The following NRP1 variants were observed in gnomAD, a reference collection of about 807,000 sequenced individuals.
NRP1 encodes neuropilin 1.
A neutral mutation model predicts 106.7 loss-of-function variants in NRP1; 35 were observed. The ratio of observed to expected loss-of-function variants is 0.33; its 90% confidence interval spans 0.25 to 0.43. The LOEUF is 0.43. Ranked by LOEUF, NRP1 falls within the 20% of genes least tolerant of loss-of-function variation. The pLI, the probability that NRP1 is intolerant of heterozygous loss-of-function variation, is 1.00. For synonymous variants in NRP1, 437 were observed against 417.9 expected (o/e 1.05, Z -0.56); for missense variants, 1,024 against 1,170.4 (o/e 0.87, Z 1.83).
chr10:33,199,694 T>C (rs1326216175), intron 11 of NRP1, among the ~76,000 whole-genome samples: 1 of 152,148 alleles, frequency 6.6e-6, no homozygotes, highest in Non-Finnish European at 1.5e-5. Context: ...TAACCTGTTA[T>C]GTCCAGATAC....
intron 2 of NRP1, among the ~76,000 whole-genome samples, chr10:33,306,283 G>C (rs1185453365): frequency 2.0e-5 from 3 of 152,112 alleles, no homozygotes; most frequent in Admixed American, 6.6e-5. Flanking sequence ...AGGACAATGA[G>C]TGTTAAACCA....
intron 8 of NRP1, among the ~76,000 whole-genome samples, chr10:33,220,985 C>T (rs1839202408): frequency 6.7e-6 from 1 of 149,598 alleles, no homozygotes; most frequent in Non-Finnish European, 1.5e-5. Flanking sequence ...AATCCCAGTA[C>T]TTTGGGAGGC....
At chr10:33,283,855 TG>T (rs1259897850) in intron 2 of NRP1, among the ~76,000 whole-genome samples, 1 of 152,240 alleles carries the variant, frequency 6.6e-6, no homozygotes, top group Non-Finnish European at 1.5e-5. Context: ...TTTAACCATA[TG>T]ACCACACAAA....
chr10:33,203,049 C>G, intron 10 of NRP1, 54 bp from the exon 11 acceptor site: 1 of 1,542,060 alleles, frequency 6.5e-7, no homozygotes, highest in Non-Finnish European at 8.8e-7. Flanking sequence ...TATTCTCAAG[C>G]CTCTGGCTGT....
At chr10:33,228,975 T>G (rs1249624180) in intron 6 of NRP1, among the ~76,000 whole-genome samples, 1 of 152,240 alleles carries the variant, frequency 6.6e-6, no homozygotes, top group Non-Finnish European at 1.5e-5. Context: ...CATGGTACTT[T>G]GATGAATGTT....
At chr10:33,243,336 TA>T (rs1392660079) in intron 6 of NRP1, among the ~76,000 whole-genome samples, 1 of 152,184 alleles carries the variant, frequency 6.6e-6, no homozygotes, top group Non-Finnish European at 1.5e-5. Context: ...ATGTTCATCT[TA>T]GGCAAGCTCA....
At chr10:33,250,928 G>GTGA (rs1028461560) in intron 6 of NRP1, among the ~76,000 whole-genome samples, 1 of 152,168 alleles carries the variant, frequency 6.6e-6, no homozygotes, top group Non-Finnish European at 1.5e-5. Context: ...GTGTGGCTCT[G>GTGA]TGATATGCTT....
At position 33,306,345 on chromosome 10, in the gene NRP1, G is replaced by T. The variant is rs1477541495; in HGVS notation, c.248+24363C>A. ...GAAGGCAGCTGCTTTTGCATTCTGC[G>T]GGTCAGAAGGGTGTGTGTGTGTGTG... On this transcript the variant is annotated intron_variant, in intron 2 of 16. Transcript: ENST00000374867. Among the ~76,000 whole-genome samples, 108 of 128,614 alleles carry T rather than the reference G, an allele frequency of 8.4e-4. 1 individual carries two copies. The highest frequency in any genetic ancestry group is 1.6e-4 in the Non-Finnish European group (10 of 61,228). The allele number at this position is 128,614 out of a possible 152,430, so 84.4% of individuals were successfully genotyped here.
chr10:33,207,312 C>CTA (rs1554779456), intron 10 of NRP1, among the ~76,000 whole-genome samples: 1 of 150,876 alleles, frequency 6.6e-6, no homozygotes, highest in African/African-American at 2.4e-5. Flanking sequence ...TATAAATTAT[C>CTA]TTTTTTTTTA....
intron 2 of NRP1, among the ~76,000 whole-genome samples, chr10:33,291,768 G>T (rs181277437): frequency 6.6e-6 from 1 of 152,260 alleles, no homozygotes; most frequent in African/African-American, 2.4e-5. Context: ...GGAAAATTTA[G>T]AAGAGTCATA....
chr10:33,229,383 CTT>C (rs2132970526), intron 6 of NRP1, among the ~76,000 whole-genome samples: 1 of 152,276 alleles, frequency 6.6e-6, no homozygotes, highest in South Asian at 2.1e-4. Context: ...TCACTTAGTG[CTT>C]TTCTGACTGT....
chr10:33,266,806 T>C (rs1452854607), intron 3 of NRP1, among the ~76,000 whole-genome samples: 2 of 152,196 alleles, frequency 1.3e-5, no homozygotes, highest in Non-Finnish European at 2.9e-5. Flanking sequence ...TGAGTTCTCA[T>C]GAGAACTGGT....
chr10:33,225,743 C>T (rs1839608160), intron 7 of NRP1, among the ~76,000 whole-genome samples: 1 of 152,200 alleles, frequency 6.6e-6, no homozygotes, highest in Non-Finnish European at 1.5e-5. Context: ...TTTTCTAAAA[C>T]TAGCTGATTA....
At chr10:33,247,582 C>T (rs866854548) in intron 6 of NRP1, among the ~76,000 whole-genome samples, 9 of 152,186 alleles carry the variant, frequency 5.9e-5, no homozygotes, top group Non-Finnish European at 1.0e-4. Flanking sequence ...CCCATTAGGC[C>T]TGATGCCAGG....
At chr10:33,287,309 A>G (rs1052586009) in intron 2 of NRP1, among the ~76,000 whole-genome samples, 1 of 152,250 alleles carries the variant, frequency 6.6e-6, no homozygotes, top group Non-Finnish European at 1.5e-5. Flanking sequence ...ATATTTGAAC[A>G]GTAATAATAT....
intron 15 of NRP1, among the ~76,000 whole-genome samples, chr10:33,184,009 T>C (rs1276604568): frequency 6.6e-6 from 1 of 151,990 alleles, no homozygotes; most frequent in Non-Finnish European, 1.5e-5. Flanking sequence ...CTTCCTTCCT[T>C]CCTTCTTTTT....
intron 2 of NRP1, among the ~76,000 whole-genome samples, chr10:33,286,419 A>C (rs1201663751): frequency 1.3e-5 from 2 of 152,038 alleles, no homozygotes; most frequent in African/African-American, 4.8e-5. Context: ...TCCTCCTCCT[A>C]CATCTGCCCT....
chr10:33,260,820 G>A (rs944352529), intron 4 of NRP1, among the ~76,000 whole-genome samples: 9 of 152,032 alleles, frequency 5.9e-5, no homozygotes, highest in African/African-American at 2.2e-4. Flanking sequence ...ATTTAATTCA[G>A]TGTTTATGAT....
At chr10:33,249,497 G>T (rs753672174) in intron 6 of NRP1, 101 of 531,110 alleles carry the variant, frequency 1.9e-4, no homozygotes, top group Admixed American at 3.3e-4. Context: ...TGATGTGCTT[G>T]AAGAGGAAGA....
Sources: gnomAD v4.1 joint callset for allele counts (sites outside exome capture counted in the v4.1 genomes callset) on GRCh38, gnomAD v4.1.1 for gene constraint, MANE v1.5 for transcripts, NCBI Gene and HGNC (gene_info 2026-07-23, HGNC 2026-07-21) for gene names.